TMEM223: variants seen among roughly 807,000 people sequenced by gnomAD.
TMEM223 encodes the protein transmembrane protein 223.
In TMEM223, 14 loss-of-function variants were observed where a neutral mutation model predicts 14.1. That is an observed-to-expected ratio of 0.99 (90% CI 0.66 to 1.55). TMEM223 has a LOEUF of 1.55. TMEM223 is among the 40% of genes most tolerant of loss of function. The pLI, the probability that TMEM223 is intolerant of heterozygous loss-of-function variation, is 0.00. For synonymous variants in TMEM223, 145 were observed against 120.5 expected (o/e 1.20, Z -1.33); for missense variants, 346 against 269.9 (o/e 1.28, Z -1.97).
intron 1 of TMEM223, among the ~76,000 whole-genome samples, chr11:62,779,976 A>ATATATATAT (rs1294367864): frequency 1.9e-5 from 1 of 52,632 alleles, no homozygotes; most frequent in Non-Finnish European, 3.6e-5. Context: ...ATATATATAT[A>ATATATATAT]TTTTTTTTTT....
rs1367245372 is a variant in TMEM223 at position 62,779,972 on chromosome 11, A to ATTTTTT, written c.315-5308_315-5307insAAAAAA. Among the ~76,000 whole-genome samples, 307 of 61,372 alleles carry ATTTTTT rather than the reference A, an allele frequency of 5.0e-3. 2 individuals are homozygous for ATTTTTT. The highest frequency in any genetic ancestry group is 0.015 in the African/African-American group (297 of 20,254). The allele number at this position is 61,372 out of a possible 152,430, so 40.3% of individuals were successfully genotyped here. A position where few individuals can be genotyped will look rare whatever the true frequency, so the allele number is the denominator to read the frequency against. On this transcript the variant is annotated intron_variant, in intron 1 of 2. Transcript: ENST00000528367. Reference sequence around the variant, plus strand: ...TGAGCCTATATATATATATATATATATATATTTTTTTTTTTTTTTTTTTTA... The same window carrying ATTTTTT: ...TGAGCCTATATATATATATATATATATTTTTTTATATTTTTTTTTTTTTTTTTTTTA...
intron 1 of TMEM223, chr11:62,776,570 G>A (rs1017021259): frequency 1.6e-6 from 2 of 1,213,786 alleles, no homozygotes; most frequent in East Asian, 5.2e-5. Flanking sequence ...ACCAAACGCT[G>A]CCGGGCATGG....
At chr11:62,786,060 C>T, downstream of TMEM223, 1 of 614,770 alleles carries the variant, frequency 1.6e-6, no homozygotes, top group Non-Finnish European at 2.8e-6. Context: ...CCCTTTGTAC[C>T]TTATCTTTAT....
At chr11:62,779,572 C>T (rs1376877525) in intron 1 of TMEM223, among the ~76,000 whole-genome samples, 1 of 151,972 alleles carries the variant, frequency 6.6e-6, no homozygotes, top group Non-Finnish European at 1.5e-5. Flanking sequence ...GTGATCCACC[C>T]GCCTTGGCCT....
At chr11:62,774,355 C>T (rs1397766593) in intron 2 of TMEM223, among the ~76,000 whole-genome samples, 2 of 152,152 alleles carry the variant, frequency 1.3e-5, no homozygotes, top group South Asian at 2.1e-4. Context: ...GGATTACAGG[C>T]GTGAGCCACC....
chr11:62,789,070 T>C (rs781031029), downstream of TMEM223: 71 of 1,614,086 alleles, frequency 4.4e-5, 1 homozygote, highest in Non-Finnish European at 5.8e-5. Context: ...CCACCCTGAA[T>C]GGCTCCTCCC....
chr11:62,780,210 C>T (rs968969930), intron 1 of TMEM223, among the ~76,000 whole-genome samples: 6 of 151,144 alleles, frequency 4.0e-5, no homozygotes, highest in South Asian at 2.1e-4. Context: ...CCCAGCTACT[C>T]GGGAGGCTGA....
At chr11:62,775,649 G>C (rs2084180608) in intron 1 of TMEM223, 2 of 1,100,070 alleles carry the variant, frequency 1.8e-6, no homozygotes, top group Non-Finnish European at 2.6e-6. Flanking sequence ...TGGGTACTCA[G>C]AGCTCCTTGT....
downstream of TMEM223, chr11:62,789,259 C>T (rs777108288): frequency 6.2e-7 from 1 of 1,613,990 alleles, no homozygotes; most frequent in Non-Finnish European, 8.5e-7. Flanking sequence ...ATGAGCCTCA[C>T]CTCCACCACA....
At chr11:62,789,568 C>A (rs369725522), downstream of TMEM223, 9 of 1,549,552 alleles carry the variant, frequency 5.8e-6, no homozygotes, top group African/African-American at 9.6e-5. Context: ...TAAACTATCA[C>A]GCTTTCTCAC....
intron 1 of TMEM223, chr11:62,778,467 T>A (rs919312034): frequency 1.8e-6 from 2 of 1,082,536 alleles, no homozygotes; most frequent in Middle Eastern, 2.0e-4. Context: ...ATGGTCTGAG[T>A]GGGCGCTGGG....
At chr11:62,775,710 C>T in intron 1 of TMEM223, 1 of 1,521,248 alleles carries the variant, frequency 6.6e-7, no homozygotes. Flanking sequence ...GGTGTTGGAT[C>T]ACACTCCTGG....
chr11:62,777,872 C>G, intron 1 of TMEM223: 2 of 1,353,074 alleles, frequency 1.5e-6, no homozygotes, highest in Non-Finnish European at 2.0e-6. Flanking sequence ...TTCTGGACTT[C>G]CTTCAAACGT....
downstream of TMEM223, chr11:62,787,603 G>A: frequency 7.0e-7 from 1 of 1,435,006 alleles, no homozygotes; most frequent in South Asian, 1.4e-5. Context: ...TTCGCTTTCC[G>A]ACCGGGCTTG....
intron 1 of TMEM223, among the ~76,000 whole-genome samples, chr11:62,791,160 A>C (rs1421856688): frequency 1.3e-5 from 2 of 152,132 alleles, no homozygotes; most frequent in Admixed American, 6.5e-5. Context: ...TTTAATGGGA[A>C]GATGGAGAGC....
At chr11:62,775,817 A>T (rs2084183163) in intron 1 of TMEM223, 7 of 1,611,774 alleles carry the variant, frequency 4.3e-6, no homozygotes, top group Non-Finnish European at 5.9e-6. Flanking sequence ...GTTTGTGGAG[A>T]TCCCTCGGGA....
rs1331133568 is a variant in TMEM223, at chr11:62,790,162, G to A, written c.*461C>T. 1 of 1,231,410 alleles carries A rather than the reference G, an allele frequency of 8.1e-7. No individual in the cohort carries two copies. Among genetic ancestry groups the A allele is most frequent in the East Asian group, 2.6e-5 (1 of 38,080 alleles). 76.3% of individuals were successfully genotyped at this position (1,231,410 alleles called of 1,614,324 possible). Reference sequence around the variant, plus strand: ...TTAGTTTTCCTTTCGTTGGGGGGTGGGGGGGAAACATAATGACAGGCCCCC... The same window carrying A: ...TTAGTTTTCCTTTCGTTGGGGGGTGAGGGGGAAACATAATGACAGGCCCCC... On this transcript the variant is annotated 3_prime_UTR_variant, in exon 2 of 2. Transcript: ENST00000307366.
At chr11:62,788,163 G>A (rs1408961082), downstream of TMEM223, among the ~76,000 whole-genome samples, 2 of 152,230 alleles carry the variant, frequency 1.3e-5, no homozygotes, top group African/African-American at 2.4e-5. Flanking sequence ...AGCACTTTGG[G>A]AGGCTGAGGC....
chr11:62,787,924 A>G (rs1444125995), downstream of TMEM223: 3 of 503,996 alleles, frequency 6.0e-6, no homozygotes, highest in Admixed American at 6.8e-5. Flanking sequence ...GAGATGATCA[A>G]GCTGCCACAT....
Sources: allele counts gnomAD v4.1 joint callset (sites outside exome capture counted in the v4.1 genomes callset), GRCh38; gene constraint gnomAD v4.1.1; transcripts MANE v1.5; gene names NCBI Gene and HGNC (gene_info 2026-07-23, HGNC 2026-07-21).